Variants in PCDH11X observed in about 807,000 individuals in gnomAD.
PCDH11X encodes the protein protocadherin-11 X-linked.
Under a neutral mutation model 53.3 loss-of-function variants are expected in PCDH11X, and 18 were observed. The observed-to-expected ratio is 0.34, with a 90% CI of 0.23 to 0.50. PCDH11X has a LOEUF of 0.50. Ranked by LOEUF, PCDH11X falls within the 20% of genes least tolerant of loss-of-function variation. PCDH11X has a pLI of 0.98. For synonymous variants in PCDH11X, 279 were observed against 393.3 expected (o/e 0.71, Z 3.44); for missense variants, 570 against 1,032.4 (o/e 0.55, Z 6.14).
intron 5 of PCDH11X, among the ~76,000 whole-genome samples, chrX:91,871,964 T>C (rs1278475327): frequency 9.0e-6 from 1 of 111,359 alleles, no homozygotes; most frequent in Non-Finnish European, 1.9e-5. Context: ...TTGGCACTTT[T>C]GTATACTAGA....
At chrX:92,132,152 G>T (rs1206187258) in intron 6 of PCDH11X, among the ~76,000 whole-genome samples, 2 of 101,853 alleles carry the variant, frequency 2.0e-5, no homozygotes, top group African/African-American at 7.1e-5. Flanking sequence ...GGGCGTGGTG[G>T]TGGGGGCCTG....
At chrX:92,183,681 C>T (rs762735695) in intron 6 of PCDH11X, among the ~76,000 whole-genome samples, 15 of 112,494 alleles carry the variant, frequency 1.3e-4, no homozygotes, top group Non-Finnish European at 2.6e-4. Flanking sequence ...TGTGATCCTT[C>T]TCTGAATCTT....
chrX:92,589,641 T>C (rs747243128), intron 10 of PCDH11X, among the ~76,000 whole-genome samples: 116 of 111,218 alleles, frequency 1.0e-3, no homozygotes, highest in Non-Finnish European at 1.8e-3. Context: ...TCAGGGAAAA[T>C]CACCTTCATT....
intron 6 of PCDH11X, among the ~76,000 whole-genome samples, chrX:92,194,457 T>C (rs5984904): frequency 0.068 from 7,500 of 111,037 alleles, 319 homozygotes; most frequent in East Asian, 0.19. Flanking sequence ...TTATGGCACC[T>C]ATCTTAATTA....
intron 6 of PCDH11X, among the ~76,000 whole-genome samples, chrX:92,158,491 C>T (rs2065578958): frequency 9.2e-6 from 1 of 108,479 alleles, no homozygotes; most frequent in Non-Finnish European, 1.9e-5. Context: ...GCCTGGGTGA[C>T]AGAGCAAGAG....
Position 92,597,747 on chromosome X carries a change from C to T in PCDH11X, c.3368-20517C>T, listed in dbSNP as rs757589947. Reference sequence around the variant, plus strand: ...TTATCTTAGGCAAAAAGAACAAAACCGGAGGAATTATATTACCTGCCTTCA... The same window carrying T: ...TTATCTTAGGCAAAAAGAACAAAACTGGAGGAATTATATTACCTGCCTTCA... On this transcript the variant is annotated intron_variant, in intron 10 of 10. Coordinates refer to ENST00000682573, the MANE Select transcript of PCDH11X (RefSeq NM_032968.5). Among the ~76,000 whole-genome samples the T allele has an allele frequency of 3.3e-3, 364 of 110,954 alleles. 3 individuals carry two copies. The highest frequency in any genetic ancestry group is 2.6e-3 in the Non-Finnish European group (140 of 52,843).
chrX:91,833,469 C>T (rs1219999538), intron 4 of PCDH11X, among the ~76,000 whole-genome samples: 2 of 110,361 alleles, frequency 1.8e-5, no homozygotes, highest in African/African-American at 6.6e-5. Flanking sequence ...AAATACTATA[C>T]CACAGGCAAC....
intron 10 of PCDH11X, among the ~76,000 whole-genome samples, chrX:92,611,347 T>A (rs1408403763): frequency 1.8e-5 from 2 of 110,569 alleles, no homozygotes; most frequent in Admixed American, 9.7e-5. Flanking sequence ...CCTAGCTTTT[T>A]TTTTTTGGCT....
At chrX:92,447,884 A>C (rs994604071) in intron 9 of PCDH11X, among the ~76,000 whole-genome samples, 8 of 112,169 alleles carry the variant, frequency 7.1e-5, no homozygotes, top group African/African-American at 2.6e-4. Flanking sequence ...GCTGAAGATC[A>C]TGGGAACCCA....
chrX:91,783,860 G>C (rs1935244492), intron 1 of PCDH11X, among the ~76,000 whole-genome samples: 1 of 112,223 alleles, frequency 8.9e-6, no homozygotes, highest in Non-Finnish European at 1.9e-5. Flanking sequence ...ACTTTAATTA[G>C]TCACCTACTG....
At chrX:92,417,819 C>T (rs868548458) in intron 9 of PCDH11X, among the ~76,000 whole-genome samples, 1 of 27,398 alleles carries the variant, frequency 3.6e-5, no homozygotes, top group African/African-American at 2.1e-4. Flanking sequence ...TCTTTTCTTC[C>T]ATTTTTTTTT....
chrX:92,365,987 G>T (rs969884886), intron 8 of PCDH11X, among the ~76,000 whole-genome samples: 2 of 111,424 alleles, frequency 1.8e-5, no homozygotes, highest in African/African-American at 6.5e-5. Context: ...ACAGGATGAT[G>T]CTGGTCTCAT....
At chrX:92,163,462 C>A (rs2065677636) in intron 6 of PCDH11X, among the ~76,000 whole-genome samples, 1 of 110,582 alleles carries the variant, frequency 9.0e-6, no homozygotes, top group South Asian at 3.9e-4. Context: ...CCCTGTGAGA[C>A]AAGTCAGAAA....
chrX:91,992,394 G>A (rs761456332), intron 6 of PCDH11X, among the ~76,000 whole-genome samples: 1 of 101,821 alleles, frequency 9.8e-6, no homozygotes, highest in South Asian at 4.9e-4. Flanking sequence ...TTACTTTCTC[G>A]ACTTTGCCTA....
intron 9 of PCDH11X, among the ~76,000 whole-genome samples, chrX:92,442,539 G>A (rs1324563109): frequency 1.8e-5 from 2 of 111,652 alleles, no homozygotes; most frequent in African/African-American, 6.5e-5. Context: ...GATGTGATGT[G>A]CACCATGATT....
chrX:92,545,619 T>C (rs1430001058), intron 10 of PCDH11X, among the ~76,000 whole-genome samples: 2 of 110,096 alleles, frequency 1.8e-5, no homozygotes, highest in East Asian at 5.7e-4. Flanking sequence ...CAGACTGGTC[T>C]TGAACTCCTG....
At chrX:92,034,403 A>T (rs936616067) in intron 6 of PCDH11X, among the ~76,000 whole-genome samples, 6 of 108,154 alleles carry the variant, frequency 5.5e-5, no homozygotes, top group African/African-American at 2.0e-4. Context: ...ATATTTTTTT[A>T]TATATATTTG....
chrX:92,075,372 C>G (rs990501961), intron 6 of PCDH11X, among the ~76,000 whole-genome samples: 1 of 108,450 alleles, frequency 9.2e-6, no homozygotes, highest in African/African-American at 3.3e-5. Context: ...CAGGAAACTA[C>G]GTTGTTAACA....
intron 9 of PCDH11X, among the ~76,000 whole-genome samples, chrX:92,398,415 A>G (rs1197407367): frequency 8.9e-6 from 1 of 111,875 alleles, no homozygotes; most frequent in Non-Finnish European, 1.9e-5. Flanking sequence ...CTGCTTTAGC[A>G]ATACTATTTT....
Sources: allele counts gnomAD v4.1 joint callset (sites outside exome capture counted in the v4.1 genomes callset), GRCh38; gene constraint gnomAD v4.1.1; transcripts MANE v1.5; gene names NCBI Gene and HGNC (gene_info 2026-07-23, HGNC 2026-07-21).